TRAPPC8: variants seen among roughly 807,000 people sequenced by gnomAD.
TRAPPC8 encodes the protein trafficking protein particle complex subunit 8, also known as general sporulation gene 1 homolog.
A neutral mutation model predicts 174.3 loss-of-function variants in TRAPPC8; 54 were observed. The ratio of observed to expected loss-of-function variants is 0.31; its 90% CI spans 0.25 to 0.39. The LOEUF is 0.39. Ranked by LOEUF, TRAPPC8 falls within the 10% of genes least tolerant of loss-of-function variation. The pLI is 1.00. For synonymous variants in TRAPPC8, 630 were observed against 579.9 expected, an observed-to-expected ratio of 1.09 and a Z score of -1.24; for missense variants, 1,531 against 1,699.1, an observed-to-expected ratio of 0.90 and a Z score of 1.74.
chr18:31,844,148 G>T (rs1410811889), intron 26 of TRAPPC8, among the ~76,000 whole-genome samples: 1 of 152,126 alleles, frequency 6.6e-6, no homozygotes, highest in Non-Finnish European at 1.5e-5. Context: ...AGAACAGTCA[G>T]TAAGTTTTCA....
At chr18:31,876,729 C>T (rs1301393775) in intron 12 of TRAPPC8, among the ~76,000 whole-genome samples, 2 of 152,084 alleles carry the variant, frequency 1.3e-5, no homozygotes, top group Non-Finnish European at 2.9e-5. Context: ...AGTGGGAGTA[C>T]TTCTCTGCTG....
chr18:31,852,668 G>C lies in TRAPPC8; in HGVS notation c.3434-5C>G. On this transcript the variant is annotated splice_polypyrimidine_tract_variant and splice_region_variant and intron_variant, in intron 22 of 28. Coordinates refer to ENST00000283351, the MANE Select transcript of TRAPPC8 (RefSeq NM_014939.5). ...CCCTACTGGCAAGTTTGGTATCTAG[G>C]AAGAAAAAGGGAAATTTCAAAGATG... The C allele has an allele frequency of 6.2e-7, 1 of 1,610,704 alleles. No homozygotes were observed. Among genetic ancestry groups the C allele is most frequent in the Non-Finnish European group, 8.5e-7 (1 of 1,178,168 alleles).
At chr18:31,870,710 G>C (rs915734646) in intron 15 of TRAPPC8, among the ~76,000 whole-genome samples, 1 of 152,082 alleles carries the variant, frequency 6.6e-6, no homozygotes, top group Non-Finnish European at 1.5e-5. Flanking sequence ...CTGTACTAAA[G>C]AATGCCATTC....
At chr18:31,878,722 C>G (rs185714337) in intron 12 of TRAPPC8, among the ~76,000 whole-genome samples, 1 of 152,106 alleles carries the variant, frequency 6.6e-6, no homozygotes, top group East Asian at 1.9e-4. Context: ...ATGCTATCTA[C>G]AAGAGACCTA....
intron 22 of TRAPPC8, among the ~76,000 whole-genome samples, 177 bp downstream of exon 22, chr18:31,853,672 A>G (rs2033837004): frequency 6.6e-6 from 1 of 152,234 alleles, no homozygotes; most frequent in Non-Finnish European, 1.5e-5. Flanking sequence ...GAATTTAAAA[A>G]ATGGGAAAGA....
chr18:31,886,665 A>G (rs1387176962), intron 12 of TRAPPC8, among the ~76,000 whole-genome samples: 1 of 152,148 alleles, frequency 6.6e-6, no homozygotes, highest in Non-Finnish European at 1.5e-5. Context: ...GATATTCTTA[A>G]TGAAAAATAA....
At chr18:31,903,192 C>G (rs775734925) in intron 9 of TRAPPC8, among the ~76,000 whole-genome samples, 2 of 152,154 alleles carry the variant, frequency 1.3e-5, no homozygotes, top group Non-Finnish European at 2.9e-5. Context: ...CAGAGAGAAG[C>G]TTTGGCCCAC....
intron 2 of TRAPPC8, among the ~76,000 whole-genome samples, chr18:31,929,597 T>C (rs1455913203): frequency 1.3e-5 from 2 of 151,818 alleles, no homozygotes; most frequent in East Asian, 3.9e-4. Context: ...CCCAGGGAGG[T>C]TGAGGCTACA....
At position 31,897,897 on chromosome 18, in the gene TRAPPC8, G is replaced by GA. The variant is rs767803589; in HGVS notation, c.1491-7dup. 1,210 of 1,605,090 alleles carry GA rather than the reference G, an allele frequency of 7.5e-4. 2 individuals carry two copies. Among genetic ancestry groups the GA allele is most frequent in the Non-Finnish European group, 8.5e-4 (999 of 1,175,572 alleles). On this transcript the variant is annotated splice_polypyrimidine_tract_variant and splice_region_variant and intron_variant, in intron 10 of 28. Transcript: ENST00000283351. ...TTTCAGCCAACACCATATTCCTATA[G>GA]AAAAAAGGACAAGAAGATAAAATAG... is the stretch of plus-strand genomic sequence containing the variant.
At position 31,851,712 on chromosome 18, in the gene TRAPPC8, T is replaced by C. The variant is rs79470254; in HGVS notation, c.3561+734A>G. Among the ~76,000 whole-genome samples, 12 of 152,178 alleles carry C rather than the reference T, an allele frequency of 7.9e-5. No homozygotes were observed. In the East Asian group the frequency reaches 1.2e-3, roughly 15 times the overall value. ...GGAATATCACTGCCCTAGAGAGTAA[T>C]AGCTTTAAAATCACAATGGAGTCTT... On this transcript the variant is annotated intron_variant, in intron 24 of 28. Transcript: ENST00000283351.
intron 11 of TRAPPC8, 49 bp from the exon 12 acceptor site, chr18:31,890,915 T>C (rs2035927136): frequency 6.5e-7 from 1 of 1,537,258 alleles, no homozygotes; most frequent in African/African-American, 1.4e-5. Flanking sequence ...AAGTTAAAAG[T>C]AAATAGATAA....
Position 31,900,934 on chromosome 18 carries a change from T to G in TRAPPC8, c.1481A>C (p.Asp494Ala). The G allele has an allele frequency of 6.3e-7, 1 of 1,589,622 alleles. No homozygotes were observed. The highest frequency in any genetic ancestry group is 8.5e-7 in the Non-Finnish European group (1 of 1,173,128). Residue 494 changes from aspartate (D) to alanine (A), a missense_variant, in exon 10 of 29, where the codon GAT (aspartate) becomes GCT (alanine). Physicochemically the swap from Asp to Ala is moderately radical, Grantham distance 126. Coordinates refer to ENST00000283351, the MANE Select transcript of TRAPPC8 (RefSeq NM_014939.5). ...TTATATAGTCACCTACTTGCAGATA[T>G]CTCTGTATGTCTGAATTGCTGTATC... The part of the protein sequence containing the change: ...YMDTAIQTYR[D>A]ICKNMVLAER...
intron 26 of TRAPPC8, among the ~76,000 whole-genome samples, chr18:31,845,398 T>C (rs1321267867): frequency 1.3e-5 from 2 of 151,750 alleles, no homozygotes; most frequent in Non-Finnish European, 2.9e-5. Flanking sequence ...TTGATAGCAT[T>C]TGAATATGGA....
chr18:31,929,070 T>C (rs2037743939), intron 2 of TRAPPC8, among the ~76,000 whole-genome samples: 1 of 151,380 alleles, frequency 6.6e-6, no homozygotes, highest in African/African-American at 2.4e-5. Context: ...TAATCCCAGA[T>C]ACTCGGGAGG....
chr18:31,913,032 G>T (rs2036985029), intron 5 of TRAPPC8, among the ~76,000 whole-genome samples: 1 of 151,724 alleles, frequency 6.6e-6, no homozygotes, highest in African/African-American at 2.4e-5. Context: ...GGAGGCTGAG[G>T]CAGGGGAATC....
intron 1 of TRAPPC8, among the ~76,000 whole-genome samples, chr18:31,938,385 ATAATT>A (rs1274712123): frequency 3.3e-5 from 5 of 151,986 alleles, no homozygotes; most frequent in African/African-American, 9.6e-5. Context: ...TAATTTTAAC[ATAATT>A]TAATACTCTT....
chr18:31,930,757 C>T (rs1209516930), intron 2 of TRAPPC8, among the ~76,000 whole-genome samples: 1 of 151,620 alleles, frequency 6.6e-6, no homozygotes, highest in Non-Finnish European at 1.5e-5. Context: ...CATAATGAGA[C>T]TCCCTATCTC....
intron 6 of TRAPPC8, 52 bp downstream of exon 6, chr18:31,909,612 GACA>G (rs2145491074): frequency 1.3e-6 from 2 of 1,566,978 alleles, no homozygotes; most frequent in East Asian, 2.3e-5. Flanking sequence ...AGCATGATCT[GACA>G]ACAGTGCATA....
intron 26 of TRAPPC8, among the ~76,000 whole-genome samples, chr18:31,843,484 A>G (rs1462250597): frequency 6.6e-6 from 1 of 151,394 alleles, no homozygotes; most frequent in Non-Finnish European, 1.5e-5. Flanking sequence ...GCAGAACAAA[A>G]ATTAAAAGAC....
Sources: gnomAD v4.1 joint callset for allele counts (sites outside exome capture counted in the v4.1 genomes callset) on GRCh38, gnomAD v4.1.1 for gene constraint, MANE v1.5 for transcripts, NCBI Gene and HGNC (gene_info 2026-07-23, HGNC 2026-07-21) for gene names.